Variants in KCNH1 observed in about 807,000 individuals in gnomAD.
KCNH1 encodes voltage-gated delayed rectifier potassium channel KCNH1.
Under a neutral mutation model 69.2 loss-of-function variants are expected in KCNH1, and 27 were observed. That is an observed-to-expected ratio of 0.39 (90% CI 0.29 to 0.54). The LOEUF (loss-of-function observed/expected upper bound fraction) is 0.54. Among genes scored for constraint, KCNH1 ranks in the 20% least tolerant of loss-of-function variants. KCNH1 has a pLI of 0.68. For missense variants in KCNH1, 798 were observed against 1,261.6 expected, an observed-to-expected ratio of 0.63 and a Z score of 5.57; for synonymous variants, 456 against 487.7, an observed-to-expected ratio of 0.93 and a Z score of 0.86.
At chr1:210,872,149 CA>C (rs60497732) in intron 7 of KCNH1, among the ~76,000 whole-genome samples, 18,905 of 77,654 alleles carry the variant, frequency 0.24, 1,191 homozygotes, top group Non-Finnish European at 0.26. Flanking sequence ...GGAAGAGCAC[CA>C]AAAAAAAAAA....
intron 3 of KCNH1, among the ~76,000 whole-genome samples, chr1:211,095,486 T>G (rs1003817341): frequency 6.6e-6 from 1 of 152,214 alleles, no homozygotes; most frequent in South Asian, 2.1e-4. Flanking sequence ...CATGTAGTAA[T>G]GAACCTGACA....
intron 5 of KCNH1, among the ~76,000 whole-genome samples, chr1:211,039,877 G>A (rs1003165644): frequency 3.3e-5 from 5 of 152,014 alleles, no homozygotes; most frequent in Non-Finnish European, 7.4e-5. Flanking sequence ...GTAGACTTTT[G>A]GGTTAATGCT....
chr1:210,753,087 C>T (rs1683314894), intron 10 of KCNH1, among the ~76,000 whole-genome samples: 1 of 152,158 alleles, frequency 6.6e-6, no homozygotes, highest in African/African-American at 2.4e-5. Flanking sequence ...GTGGCCCTAC[C>T]AACACCTTGA....
At chr1:210,803,564 A>G (rs1558476321) in intron 8 of KCNH1, among the ~76,000 whole-genome samples, 1 of 152,244 alleles carries the variant, frequency 6.6e-6, no homozygotes, top group South Asian at 2.1e-4. Flanking sequence ...ACAAAATATC[A>G]AAAGTTTGAA....
chr1:210,742,526 A>G (rs1574226832), intron 10 of KCNH1, among the ~76,000 whole-genome samples: 1 of 152,184 alleles, frequency 6.6e-6, no homozygotes, highest in East Asian at 1.9e-4. Context: ...TCCTGGTACA[A>G]TGCTGGGCAC....
rs143988870 is a variant in KCNH1 at position 211,085,417 on chromosome 1, G to C, written c.440-2519C>G. Among the ~76,000 whole-genome samples, 3 of 151,934 alleles carry C rather than the reference G, an allele frequency of 2.0e-5. No individual in the cohort carries two copies. The East Asian group carries it at 5.8e-4, about 29-fold the overall frequency. On this transcript the variant is annotated intron_variant, in intron 4 of 10. Transcript: ENST00000271751. Reference sequence around the variant, plus strand: ...CACTGAAGGACTTTAAATTTGGTGAGGAGGGAGATACACATGCCAATTTGC... The same window carrying C: ...CACTGAAGGACTTTAAATTTGGTGACGAGGGAGATACACATGCCAATTTGC...
Position 210,856,260 on chromosome 1 carries a change from C to T in KCNH1, c.1463-52094G>A, listed in dbSNP as rs370921376. On this transcript the variant is annotated intron_variant, in intron 7 of 10. Transcript: ENST00000271751. ...GGGAGGGATGTTTCATGTAGCACTC[C>T]CAAACCAGAGCCCGCCTGGAATAAT... 2.4e-3 allele frequency among the ~76,000 whole-genome samples: 365 copies of T among 152,262 alleles called. 2 individuals carry two copies. Among genetic ancestry groups the T allele is most frequent in the African/African-American group, 8.5e-3 (352 of 41,546 alleles).
intron 7 of KCNH1, among the ~76,000 whole-genome samples, chr1:210,829,615 C>T (rs1324472681): frequency 6.6e-6 from 1 of 152,198 alleles, no homozygotes; most frequent in Non-Finnish European, 1.5e-5. Flanking sequence ...CTAAAGACAT[C>T]ATCCTGCTTT....
chr1:210,776,476 C>A (rs1683863733), intron 9 of KCNH1, among the ~76,000 whole-genome samples: 1 of 152,090 alleles, frequency 6.6e-6, no homozygotes, highest in Non-Finnish European at 1.5e-5. Context: ...GGAAGTGAAG[C>A]CTTTGGGAGG....
At chr1:211,037,551 A>G (rs1243580342) in intron 5 of KCNH1, among the ~76,000 whole-genome samples, 1 of 137,246 alleles carries the variant, frequency 7.3e-6, no homozygotes, top group East Asian at 2.1e-4. Flanking sequence ...CTGTTTTTCT[A>G]CAGAACCCCT....
chr1:211,030,072 T>A lies in KCNH1; in HGVS notation c.559-10816A>T, dbSNP rs116001911. 3.1e-3 allele frequency among the ~76,000 whole-genome samples: 473 copies of A among 152,288 alleles called. 3 individuals carry two copies. The highest frequency in any genetic ancestry group is 0.011 in the African/African-American group (448 of 41,552). ...TAGAAGACAAAACATACTGAAGATATCCATTCGCTCCAAATCGTTATACAA... is the reference window on the plus strand; with the variant it reads ...TAGAAGACAAAACATACTGAAGATAACCATTCGCTCCAAATCGTTATACAA... On this transcript the variant is annotated intron_variant, in intron 5 of 10. Coordinates refer to ENST00000271751, the MANE Select transcript of KCNH1 (RefSeq NM_172362.3).
chr1:210,742,381 T>C (rs556335024), intron 10 of KCNH1, among the ~76,000 whole-genome samples: 5 of 152,186 alleles, frequency 3.3e-5, no homozygotes, highest in Non-Finnish European at 7.3e-5. Context: ...GTTTTTATCT[T>C]TAAGTCCCCA....
In KCNH1 at chr1:210,920,065, A is replaced by G; in HGVS notation, c.1037T>C (p.Ile346Thr). 1 of 1,611,530 alleles carries G rather than the reference A, an allele frequency of 6.2e-7. No individual in the cohort carries two copies. The highest frequency in any genetic ancestry group is 8.5e-7 in the Non-Finnish European group (1 of 1,178,198). ...PPLEGRESQG[I>T]SSLFSSLKVV... ...TTTTAGAGAGCTGAACAGGCTGCTG[A>G]TGCCCTGGGAGAAGAGGAACACAGC... Residue 346 changes from isoleucine (I) to threonine (T), a missense_variant, in exon 7 of 11, where the codon ATC (isoleucine) becomes ACC (threonine). Transcript: ENST00000271751.
chr1:210,810,259 G>A (rs941189830), intron 7 of KCNH1, among the ~76,000 whole-genome samples: 4 of 152,118 alleles, frequency 2.6e-5, no homozygotes, highest in Admixed American at 2.6e-4. Flanking sequence ...TCTTGCTATT[G>A]AGAAGTCAGA....
intron 10 of KCNH1, among the ~76,000 whole-genome samples, chr1:210,703,119 T>A (rs924070853): frequency 3.3e-5 from 5 of 152,172 alleles, no homozygotes; most frequent in Non-Finnish European, 5.9e-5. Flanking sequence ...CCAGAAGTCA[T>A]AAAATAAAAA....
At chr1:210,718,963 T>A (rs777659135) in intron 10 of KCNH1, among the ~76,000 whole-genome samples, 1 of 152,018 alleles carries the variant, frequency 6.6e-6, no homozygotes, top group African/African-American at 2.4e-5. Flanking sequence ...ATTTTCAGAT[T>A]TCCAGCGTGG....
intron 5 of KCNH1, among the ~76,000 whole-genome samples, chr1:211,051,519 G>T (rs2102441242): frequency 6.6e-6 from 1 of 152,274 alleles, no homozygotes; most frequent in Non-Finnish European, 1.5e-5. Flanking sequence ...AAGTAGCCCA[G>T]CCAACAGATG....
intron 7 of KCNH1, among the ~76,000 whole-genome samples, chr1:210,877,852 T>G (rs574516685): frequency 1.2e-4 from 18 of 152,234 alleles, no homozygotes; most frequent in Non-Finnish European, 2.5e-4. Flanking sequence ...GATACATAGG[T>G]GATAATGAAT....
intron 10 of KCNH1, among the ~76,000 whole-genome samples, chr1:210,717,346 T>C (rs551526634): frequency 6.6e-6 from 1 of 152,340 alleles, no homozygotes; most frequent in Non-Finnish European, 1.5e-5. Context: ...AGGATATGAA[T>C]GCACTTTAGT....
Sources: allele counts gnomAD v4.1 joint callset (sites outside exome capture counted in the v4.1 genomes callset), GRCh38; gene constraint gnomAD v4.1.1; transcripts MANE v1.5; gene names NCBI Gene and HGNC (gene_info 2026-07-23, HGNC 2026-07-21).